Variants in CTSC observed in about 807,000 individuals in gnomAD.
The protein encoded by CTSC is cathepsin C, also known as dipeptidyl peptidase 1.
Under a neutral mutation model 40.9 loss-of-function variants are expected in CTSC, and 37 were observed. The observed-to-expected ratio is 0.91, with a 90% CI of 0.70 to 1.19. The LOEUF is 1.19. Ranked by LOEUF, CTSC falls within the 50% of genes most tolerant of loss-of-function variation. CTSC has a pLI of 0.00. For synonymous variants in CTSC, 232 were observed against 207.4 expected (o/e 1.12, Z -1.02); for missense variants, 594 against 567.3 (o/e 1.05, Z -0.48).
intron 6 of CTSC, among the ~76,000 whole-genome samples, chr11:88,295,511 C>G (rs1401954207): frequency 3.3e-5 from 5 of 151,952 alleles, no homozygotes; most frequent in African/African-American, 1.2e-4. Flanking sequence ...TCCTGAATAG[C>G]TGGGACTACA....
Position 88,324,299 on chromosome 11 carries a change from A to G in CTSC, c.318+10638T>C, listed in dbSNP as rs1938117023. 3.6e-6 allele frequency: 3 copies of G among 832,398 alleles called. No homozygotes were observed. The African/African-American group carries it at 5.5e-5, about 15-fold the overall frequency. 51.6% of individuals were successfully genotyped at this position (832,398 alleles called of 1,614,324 possible). A position where few individuals can be genotyped will look rare whatever the true frequency, so the allele number is the denominator to read the frequency against. Reference sequence around the variant, plus strand: ...AATGTAAAACCCAAAACAATAAAACACCCTAGAAGAAAATCTAGGAATGCC... The same window carrying G: ...AATGTAAAACCCAAAACAATAAAACGCCCTAGAAGAAAATCTAGGAATGCC... On this transcript the variant is annotated intron_variant, in intron 2 of 6. Coordinates refer to ENST00000227266, the MANE Select transcript of CTSC (RefSeq NM_001814.6).
chr11:88,304,697 G>A (rs1003336190), intron 4 of CTSC, among the ~76,000 whole-genome samples: 2 of 152,202 alleles, frequency 1.3e-5, no homozygotes, highest in African/African-American at 4.8e-5. Flanking sequence ...GAACAGACAG[G>A]CTGCAGTAAA....
intron 2 of CTSC, among the ~76,000 whole-genome samples, chr11:88,327,216 C>T (rs1565263120): frequency 6.6e-6 from 1 of 152,164 alleles, no homozygotes. Flanking sequence ...AACAAGATAA[C>T]GCGACACAAC....
At chr11:88,333,575 G>GT (rs1348849415) in intron 2 of CTSC, among the ~76,000 whole-genome samples, 1 of 152,188 alleles carries the variant, frequency 6.6e-6, no homozygotes, top group Admixed American at 6.5e-5. Context: ...CAGAGTAACT[G>GT]TAAGAGGTCT....
chr11:88,317,439 T>A (rs907810959), intron 2 of CTSC, among the ~76,000 whole-genome samples: 1 of 150,768 alleles, frequency 6.6e-6, no homozygotes, highest in Non-Finnish European at 1.5e-5. Flanking sequence ...ATTCTTACAA[T>A]CTGAAATAAT....
chr11:88,314,256 A>G (rs1937828924), intron 2 of CTSC, among the ~76,000 whole-genome samples: 1 of 152,236 alleles, frequency 6.6e-6, no homozygotes, highest in African/African-American at 2.4e-5. Flanking sequence ...GTTCCAATAA[A>G]ACTTTACTTA....
chr11:88,293,828 C>T lies in CTSC; in HGVS notation c.*178G>A. ...AATTGAATACTTAGAAAAAAATGGC[C>T]AGTGGCCGATTGAAAGGTATATTAA... On this transcript the variant is annotated 3_prime_UTR_variant, in exon 7 of 7. Transcript: ENST00000227266. 2 of 711,876 alleles carry T rather than the reference C, an allele frequency of 2.8e-6. No individual in the cohort carries two copies. Among genetic ancestry groups the T allele is most frequent in the Non-Finnish European group, 4.7e-6 (2 of 428,942 alleles). 44.1% of individuals were successfully genotyped at this position (711,876 alleles called of 1,614,324 possible).
At position 88,312,372 on chromosome 11, in the gene CTSC, A is replaced by G; in HGVS notation, c.485+16T>C. The G allele has an allele frequency of 6.2e-7, 1 of 1,613,428 alleles. No individual in the cohort carries two copies. Among genetic ancestry groups the G allele is most frequent in the East Asian group, 2.2e-5 (1 of 44,888 alleles). On this transcript the variant is annotated intron_variant, in intron 3 of 6. Coordinates refer to ENST00000227266, the MANE Select transcript of CTSC (RefSeq NM_001814.6). ...TAAAACAAAACTAAACGTATGTCTC[A>G]TTTGTAGCAACTCACTTTTCCTGAG...
At chr11:88,327,928 C>A in intron 2 of CTSC, 3 of 621,934 alleles carry the variant, frequency 4.8e-6, no homozygotes, top group Admixed American at 5.4e-5. Context: ...AAATTACTCA[C>A]ATAAAATAGT....
At chr11:88,328,304 A>G (rs1938248593) in intron 2 of CTSC, 2 of 788,156 alleles carry the variant, frequency 2.5e-6, no homozygotes, top group Admixed American at 3.9e-5. Flanking sequence ...AACTTCTGAT[A>G]CTTTTCCTCC....
At chr11:88,315,195 T>C (rs746002489) in intron 2 of CTSC, among the ~76,000 whole-genome samples, 2 of 152,050 alleles carry the variant, frequency 1.3e-5, no homozygotes, top group Admixed American at 6.5e-5. Context: ...GCAGGCCAGG[T>C]AGGGTTAGGC....
chr11:88,321,109 T>G (rs958544214), intron 2 of CTSC: 79 of 863,302 alleles, frequency 9.2e-5, no homozygotes, highest in Non-Finnish European at 1.1e-4. Flanking sequence ...ATTAGTAATT[T>G]TTAAAATTCC....
rs1555026586 is a variant in CTSC, at chr11:88,300,554, A to G, written c.733T>C (p.Phe245Leu). 2 of 1,612,316 alleles carry G rather than the reference A, an allele frequency of 1.2e-6. No individual in the cohort carries two copies. The highest frequency in any genetic ancestry group is 1.7e-6 in the Non-Finnish European group (2 of 1,178,420). ...CCTTGGTTTCGAACAGGACTGACAA[A>G]ATTGATACCATGAACATTTCTCCAG... ...WDWRNVHGINFVSPVRNQASC... is the reference protein window; with the variant it reads ...WDWRNVHGINLVSPVRNQASC... The change falls in exon 5 of 7, where the codon TTT becomes CTT. Residue 245 changes from phenylalanine to leucine, a missense_variant. Coordinates refer to ENST00000227266, the MANE Select transcript of CTSC (RefSeq NM_001814.6).
rs1294233227 is a variant in CTSC, at chr11:88,294,442, T to C, written c.956A>G (p.Glu319Gly). 8 of 1,614,006 alleles carry C rather than the reference T, an allele frequency of 5.0e-6. No individual in the cohort carries two copies. The Admixed American group carries it at 5.0e-5, about 10-fold the overall frequency. Residue 319 changes from glutamate to glycine, a missense_variant, in exon 7 of 7, where the codon GAA (glutamate) becomes GGA (glycine). Coordinates refer to ENST00000227266, the MANE Select transcript of CTSC (RefSeq NM_001814.6). Reference sequence around the variant, plus strand: ...AGTGCCTGTGTAGGGGAAGCAAGCTTCTTCCACCAGCCCAAAATCTTGGGC... The same window carrying C: ...AGTGCCTGTGTAGGGGAAGCAAGCTCCTTCCACCAGCCCAAAATCTTGGGC... Reference protein sequence around the residue: ...KYAQDFGLVEEACFPYTGTDS... With the variant: ...KYAQDFGLVEGACFPYTGTDS...
At chr11:88,326,346 A>G in intron 2 of CTSC, 5 of 1,613,650 alleles carry the variant, frequency 3.1e-6, no homozygotes, top group Non-Finnish European at 4.2e-6. Context: ...TGCTACAGGT[A>G]GGTCCACACT....
intron 2 of CTSC, chr11:88,324,885 T>A (rs1591238772): frequency 2.0e-6 from 2 of 985,382 alleles, no homozygotes; most frequent in South Asian, 4.7e-5. Flanking sequence ...TCTTAATTCA[T>A]CTTTCTGAAA....
chr11:88,334,854 A>G (rs1036508279), intron 2 of CTSC, 83 bp downstream of exon 2: 13 of 1,017,444 alleles, frequency 1.3e-5, no homozygotes, highest in Admixed American at 7.0e-5. Context: ...ATCTAAAATT[A>G]AAATTCTGAG....
In CTSC at chr11:88,337,664, A is replaced by G. The variant is rs1469387776; in HGVS notation, c.9T>C (p.Ala3=). 2.5e-6 allele frequency: 4 copies of G among 1,577,146 alleles called. No individual in the cohort carries two copies. Among genetic ancestry groups the G allele is most frequent in the Non-Finnish European group, 3.4e-6 (4 of 1,160,980 alleles). Residue 3 remains alanine (A), a synonymous_variant, in exon 1 of 7, where the codon GCT becomes GCC. Coordinates refer to ENST00000227266, the MANE Select transcript of CTSC (RefSeq NM_001814.6). ...GGGCGGCGAGCAGCAAGGAGGGCCC[A>G]GCACCCATGCTGCAGGGAGCTGAGA... MG[A]GPSLLLAALL...
intron 4 of CTSC, among the ~76,000 whole-genome samples, chr11:88,301,628 CTG>C (rs1325898128): frequency 2.0e-5 from 3 of 152,150 alleles, no homozygotes; most frequent in Non-Finnish European, 1.5e-5. Flanking sequence ...ACAGATAAAA[CTG>C]TTTCATTATA....
Sources: gnomAD v4.1 joint callset for allele counts (sites outside exome capture counted in the v4.1 genomes callset) on GRCh38, gnomAD v4.1.1 for gene constraint, MANE v1.5 for transcripts, NCBI Gene and HGNC (gene_info 2026-07-23, HGNC 2026-07-21) for gene names.